The following PTPRK variants were observed in gnomAD, a reference collection of about 807,000 sequenced individuals.
The protein encoded by PTPRK is protein tyrosine phosphatase receptor type K.
PTPRK carries 75 observed loss-of-function variants against 178.0 expected under a neutral mutation model. That is an observed-to-expected ratio of 0.42 (90% CI 0.35 to 0.51). The LOEUF is 0.51. Among genes scored for constraint, PTPRK ranks in the 20% least tolerant of loss-of-function variants. The pLI, the probability that PTPRK is intolerant of heterozygous loss-of-function variation, is 0.02. For synonymous variants in PTPRK, 637 were observed against 620.6 expected, an observed-to-expected ratio of 1.03 and a Z score of -0.39; for missense variants, 1,441 against 1,797.8, an observed-to-expected ratio of 0.80 and a Z score of 3.59.
At chr6:128,082,354 T>G in intron 10 of PTPRK, 83 bp downstream of exon 10, 3 of 1,272,804 alleles carry the variant, frequency 2.4e-6, no homozygotes, top group Non-Finnish European at 3.4e-6. Context: ...GAACTACACT[T>G]GGTTTATATG....
At chr6:128,170,822 A>G (rs1800130952) in intron 7 of PTPRK, among the ~76,000 whole-genome samples, 1 of 151,966 alleles carries the variant, frequency 6.6e-6, no homozygotes, top group African/African-American at 2.4e-5. Flanking sequence ...ATATCAATTG[A>G]CAGATTATGA....
chr6:128,387,585 A>T (rs1838925478), intron 2 of PTPRK, among the ~76,000 whole-genome samples: 1 of 152,134 alleles, frequency 6.6e-6, no homozygotes, highest in South Asian at 2.1e-4. Context: ...CCTAATAATA[A>T]ATTAATCTAT....
Position 128,005,118 on chromosome 6 carries a change from G to A in PTPRK, c.2460C>T (p.Ile820=), listed in dbSNP as rs1391521135. The change falls in exon 15 of 30, where the codon ATC becomes ATT. Residue 820 remains isoleucine (I), a synonymous_variant. Transcript: ENST00000368226. ...STLHAEDPLS[I]TFMDQHNFSP... is the part of the protein sequence containing the mutation. The stretch of plus-strand genomic sequence containing the variant: ...TAAAGTTATGTTGGTCCATGAAGGT[G>A]ATGGAAAGAGGATCTTCTGCATGCA... 5.6e-6 allele frequency: 9 copies of A among 1,610,274 alleles called. No individual in the cohort carries two copies. Among genetic ancestry groups the A allele is most frequent in the Non-Finnish European group, 7.6e-6 (9 of 1,177,806 alleles).
At chr6:128,061,169 C>A (rs535358202) in intron 13 of PTPRK, among the ~76,000 whole-genome samples, 2 of 152,006 alleles carry the variant, frequency 1.3e-5, no homozygotes, top group Non-Finnish European at 2.9e-5. Context: ...TAACATGTAA[C>A]AATGAACTCT....
intron 2 of PTPRK, among the ~76,000 whole-genome samples, chr6:128,326,555 G>T (rs780632275): frequency 9.9e-5 from 15 of 152,052 alleles, no homozygotes; most frequent in Non-Finnish European, 2.1e-4. Flanking sequence ...ACATTTTATG[G>T]AAGATATTTA....
At chr6:128,402,608 C>T (rs921172679) in intron 1 of PTPRK, among the ~76,000 whole-genome samples, 47 of 152,142 alleles carry the variant, frequency 3.1e-4, no homozygotes, top group African/African-American at 8.9e-4. Context: ...CTGGGATATG[C>T]GAATCATTTT....
At chr6:128,238,186 A>T in intron 5 of PTPRK, 1 of 143,512 alleles carries the variant, frequency 7.0e-6, no homozygotes, top group Admixed American at 7.2e-5. Context: ...AGCAAACGCC[A>T]AAAAAAAAAA....
At position 128,223,680 on chromosome 6, in the gene PTPRK, C is replaced by T. The variant is rs139013893; in HGVS notation, c.694-4584G>A. ...ATCATTTAATAAGCACCTCCATGTACCTTATATTATGTGAGCTGTTACTGG... is the reference window on the plus strand; with the variant it reads ...ATCATTTAATAAGCACCTCCATGTATCTTATATTATGTGAGCTGTTACTGG... On this transcript the variant is annotated intron_variant, in intron 5 of 29. Transcript: ENST00000368226. Among the ~76,000 whole-genome samples the T allele has an allele frequency of 5.0e-3, 760 of 152,144 alleles. 5 individuals carry two copies. Among genetic ancestry groups the T allele is most frequent in the African/African-American group, 0.018 (736 of 41,522 alleles).
At chr6:128,285,120 TA>T (rs1340705788) in intron 3 of PTPRK, among the ~76,000 whole-genome samples, 2 of 152,190 alleles carry the variant, frequency 1.3e-5, no homozygotes, top group East Asian at 3.8e-4. Context: ...CAAAAACAGA[TA>T]AAAACTGACT....
At chr6:128,187,015 T>A (rs749771405) in intron 6 of PTPRK, among the ~76,000 whole-genome samples, 5 of 152,084 alleles carry the variant, frequency 3.3e-5, no homozygotes, top group African/African-American at 1.2e-4. Flanking sequence ...CTCGCTGGGG[T>A]GCTACCCCAG....
chr6:127,999,427 G>A (rs150407428), intron 15 of PTPRK, among the ~76,000 whole-genome samples: 1 of 152,096 alleles, frequency 6.6e-6, no homozygotes, highest in African/African-American at 2.4e-5. Flanking sequence ...TGGGAAACAT[G>A]GGCATTCCAC....
At chr6:128,392,320 T>C (rs934895230) in intron 2 of PTPRK, among the ~76,000 whole-genome samples, 8 of 152,194 alleles carry the variant, frequency 5.3e-5, no homozygotes, top group Admixed American at 5.2e-4. Context: ...TCTGTACAGT[T>C]ATTTTCATTA....
intron 7 of PTPRK, among the ~76,000 whole-genome samples, chr6:128,166,555 T>C (rs1562710302): frequency 2.0e-5 from 3 of 151,750 alleles, no homozygotes; most frequent in Non-Finnish European, 4.4e-5. Flanking sequence ...AAGCATTAGC[T>C]GCTATATTAT....
At chr6:128,257,763 A>G (rs1258323190) in intron 3 of PTPRK, among the ~76,000 whole-genome samples, 4 of 152,222 alleles carry the variant, frequency 2.6e-5, no homozygotes, top group Non-Finnish European at 5.9e-5. Context: ...GATTTATAAG[A>G]TAAGTGAAAT....
intron 13 of PTPRK, among the ~76,000 whole-genome samples, chr6:128,043,291 A>G (rs1023596777): frequency 3.9e-5 from 6 of 152,030 alleles, no homozygotes; most frequent in African/African-American, 2.4e-5. Context: ...TGTGAAATAA[A>G]TGTGGTGCAT....
At chr6:128,321,687 G>C in intron 3 of PTPRK, 2 of 649,196 alleles carry the variant, frequency 3.1e-6, no homozygotes, top group Non-Finnish European at 2.7e-6. Context: ...ATTTCTTCCT[G>C]AACAAAGCTG....
chr6:128,129,638 G>A (rs1228534301), intron 7 of PTPRK, among the ~76,000 whole-genome samples: 2 of 152,050 alleles, frequency 1.3e-5, no homozygotes, highest in Non-Finnish European at 2.9e-5. Flanking sequence ...AAAGTGAGGT[G>A]ATATATCACT....
intron 7 of PTPRK, among the ~76,000 whole-genome samples, chr6:128,121,928 A>T (rs1792532521): frequency 6.6e-6 from 1 of 152,096 alleles, no homozygotes; most frequent in South Asian, 2.1e-4. Context: ...CTGATTTGTG[A>T]CCATCGTTAA....
At chr6:128,150,438 C>T (rs193229000) in intron 7 of PTPRK, among the ~76,000 whole-genome samples, 1 of 152,192 alleles carries the variant, frequency 6.6e-6, no homozygotes, top group East Asian at 1.9e-4. Flanking sequence ...GTCCTACATT[C>T]TAGCCTCAGC....
Sources: allele counts gnomAD v4.1 joint callset (sites outside exome capture counted in the v4.1 genomes callset), GRCh38; gene constraint gnomAD v4.1.1; transcripts MANE v1.5; gene names NCBI Gene and HGNC (gene_info 2026-07-23, HGNC 2026-07-21).